The following CYLD variants were observed in gnomAD, a reference collection of about 807,000 sequenced individuals.
The protein encoded by CYLD is ubiquitin carboxyl-terminal hydrolase CYLD.
In CYLD, 26 loss-of-function variants were observed where a neutral mutation model predicts 104.5. The observed-to-expected ratio is 0.25, with a 90% CI of 0.18 to 0.35. The LOEUF (loss-of-function observed/expected upper bound fraction) is 0.35. CYLD is among the 10% of genes least tolerant of loss of function. The pLI, the probability that CYLD is intolerant of heterozygous loss-of-function variation, is 1.00. For missense variants in CYLD, 703 were observed against 1,136.1 expected, an observed-to-expected ratio of 0.62 and a Z score of 5.48; for synonymous variants, 385 against 399.9, an observed-to-expected ratio of 0.96 and a Z score of 0.45.
intron 13 of CYLD, 113 bp downstream of exon 13, chr16:50,787,059 A>AT: frequency 1.1e-6 from 1 of 874,604 alleles, no homozygotes; most frequent in South Asian, 1.4e-5. Flanking sequence ...TAAATTAGAA[A>AT]TTTCTTTTTA....
At chr16:50,784,120 G>T in intron 11 of CYLD, 1 of 514,776 alleles carries the variant, frequency 1.9e-6, no homozygotes, top group African/African-American at 1.9e-5. Flanking sequence ...TATTGGTGTT[G>T]TCCTTAACAT....
At chr16:50,780,685 T>G (rs1274121532) in intron 9 of CYLD, among the ~76,000 whole-genome samples, 2 of 152,176 alleles carry the variant, frequency 1.3e-5, no homozygotes. Context: ...TGCTTGGTAA[T>G]TTTTTGTATT....
Position 50,794,423 on chromosome 16 carries a change from G to A in CYLD, c.2681G>A (p.Arg894Gln), listed in dbSNP as rs2151039747. Residue 894 changes from arginine to glutamine, a missense_variant, in exon 18 of 19, where the codon CGG becomes CAG. This residue lies in a region of CYLD where 130 missense variants were observed against 220.2 expected (regional missense o/e 0.59). Coordinates refer to ENST00000427738, the MANE Select transcript of CYLD (RefSeq NM_001378743.1). The surrounding 1 kb of genome is among the most constrained non-coding windows in gnomAD (Gnocchi z 4.1). ...CTCTTCTTTGACAGCATGGCCGATC[G>A]GGATGGTACTGAAAACGCCTTTCTT... ...AWLFFDSMAD[R>Q]DGGQNGFNIP... is the part of the protein sequence containing the mutation. The A allele has an allele frequency of 6.2e-7, 1 of 1,614,110 alleles. No individual in the cohort carries two copies. The highest frequency in any genetic ancestry group is 8.5e-7 in the Non-Finnish European group (1 of 1,180,016).
chr16:50,742,657 C>A, intron 1 of CYLD, 105 bp from the exon 2 acceptor site: 1 of 390,030 alleles, frequency 2.6e-6, no homozygotes, highest in Non-Finnish European at 4.5e-6. Context: ...GACCGCGCCG[C>A]GGGGCGTACG....
Position 50,754,328 on chromosome 16 carries a change from A to T in CYLD, c.817A>T (p.Ile273Phe), listed in dbSNP as rs1479643041. The T allele has an allele frequency of 1.2e-6, 2 of 1,607,560 alleles. No homozygotes were observed. The highest frequency in any genetic ancestry group is 3.3e-5 in the Admixed American group (2 of 59,988). Reference sequence around the variant, plus strand: ...ATTATTTAATTTCTAGGATAACCCTATTGGCAACTGGGATGGAAGATTTGA... The same window carrying T: ...ATTATTTAATTTCTAGGATAACCCTTTTGGCAACTGGGATGGAAGATTTGA... Reference protein sequence around the residue: ...YFVGVDMDNPIGNWDGRFDGV... With the variant: ...YFVGVDMDNPFGNWDGRFDGV... Residue 273 changes from isoleucine (I) to phenylalanine (F), a missense_variant, in exon 5 of 19, where the codon ATT (isoleucine) becomes TTT (phenylalanine). Around this residue, in one of 5 missense-constraint regions of CYLD, gnomAD observed 123 missense variants for 213.3 expected, o/e 0.58. Coordinates refer to ENST00000427738, the MANE Select transcript of CYLD (RefSeq NM_001378743.1).
In CYLD at chr16:50,751,804, A is replaced by G. The variant is rs1377022519; in HGVS notation, c.705A>G (p.Arg235=). Residue 235 remains arginine (R), a synonymous_variant, in exon 4 of 19, where the codon AGA becomes AGG. Coordinates refer to ENST00000427738, the MANE Select transcript of CYLD (RefSeq NM_001378743.1). ...VELPPLEINS[R]VSLKVGETIE... ...TTCCTCCTTTGGAAATAAACTCCAG[A>G]GTTTCTTTGAAGGTTGGAGAAACAA... is the stretch of plus-strand genomic sequence containing the variant. 1 of 1,613,634 alleles carries G rather than the reference A, an allele frequency of 6.2e-7. No individual in the cohort carries two copies. The highest frequency in any genetic ancestry group is 2.2e-5 in the East Asian group (1 of 44,864).
At chr16:50,746,800 T>C (rs1051932863) in intron 2 of CYLD, among the ~76,000 whole-genome samples, 2 of 151,622 alleles carry the variant, frequency 1.3e-5, no homozygotes, top group Non-Finnish European at 2.9e-5. Context: ...TTATTTAACA[T>C]AATGTCCTAA....
intron 8 of CYLD, among the ~76,000 whole-genome samples, 183 bp from the exon 9 acceptor site, chr16:50,779,482 T>C (rs1237584209): frequency 1.3e-5 from 2 of 152,090 alleles, no homozygotes; most frequent in African/African-American, 2.4e-5. Flanking sequence ...TGCATAAATA[T>C]GGAGGTGGAG....
At chr16:50,753,777 A>C (rs1474682943) in intron 4 of CYLD, among the ~76,000 whole-genome samples, 1 of 152,226 alleles carries the variant, frequency 6.6e-6, no homozygotes, top group East Asian at 1.9e-4. Flanking sequence ...AAATATAAAC[A>C]TCTCCATCTT....
rs1259103779 is a variant in CYLD at position 50,755,212 on chromosome 16, TAC to T, written c.913+793_913+794del. Among the ~76,000 whole-genome samples the T allele has an allele frequency of 4.1e-5, 6 of 145,860 alleles. No individual in the cohort carries two copies. In the East Asian group the frequency reaches 5.9e-4, roughly 14 times the overall value. On this transcript the variant is annotated intron_variant, in intron 5 of 18. Transcript: ENST00000427738. ...ACACGTGTACATATGTGTGTGTATA[TAC>T]ACACGTGTACATATGTGTGTATATA...
chr16:50,786,761 C>G, intron 12 of CYLD, 94 bp from the exon 13 acceptor site: 1 of 764,960 alleles, frequency 1.3e-6, no homozygotes, highest in East Asian at 3.3e-5. Context: ...GACTCTATCT[C>G]AAAAAAAAAA....
rs76448482 is a variant in CYLD, at chr16:50,761,388, T to G, written c.913+6964T>G. Among the ~76,000 whole-genome samples the G allele has an allele frequency of 8.6e-3, 1,314 of 152,300 alleles. 22 individuals carry two copies. Among genetic ancestry groups the G allele is most frequent in the African/African-American group, 0.03 (1,248 of 41,560 alleles). On this transcript the variant is annotated intron_variant, in intron 5 of 18. Transcript: ENST00000427738. ...TGTGCAACCATCACCACTATCTATT[T>G]CCAGAAATCTTGTTCATTATCCCAA...
chr16:50,766,439 G>T (rs1231606465), intron 5 of CYLD, among the ~76,000 whole-genome samples: 1 of 152,196 alleles, frequency 6.6e-6, no homozygotes, highest in African/African-American at 2.4e-5. Flanking sequence ...GATGCACAAG[G>T]AGATTAATGT....
At position 50,792,674 on chromosome 16, in the gene CYLD, G is replaced by A. The variant is rs199912760; in HGVS notation, c.2319G>A (p.Leu773=). The A allele has an allele frequency of 1.2e-4, 187 of 1,555,926 alleles. 1 individual carries two copies. In the East Asian group the frequency reaches 4.0e-3, roughly 33 times the overall value. ...TATTTAAAAAAATTTTTCCTTCTCT[G>A]GAATTAAATATAACAGATTTACTTG... The part of the protein sequence containing the change: ...FKLFKKIFPS[L]ELNITDLLED... Residue 773 remains leucine, a synonymous_variant, in exon 16 of 19, where the codon CTG becomes CTA. Transcript: ENST00000427738.
intron 5 of CYLD, among the ~76,000 whole-genome samples, chr16:50,758,330 T>C (rs1204696554): frequency 6.6e-6 from 1 of 152,104 alleles, no homozygotes. Flanking sequence ...CTGCGGCAGA[T>C]GGAGTGAGGG....
rs773201071 is a variant in CYLD, at chr16:50,754,417, C to T, written c.906C>T (p.Ile302=). 1.9e-6 allele frequency: 3 copies of T among 1,600,674 alleles called. No individual in the cohort carries two copies. The highest frequency in any genetic ancestry group is 2.2e-5 in the South Asian group (2 of 90,492). The stretch of plus-strand genomic sequence containing the variant: ...CAATTCTATTGCACATCAATGATAT[C>T]ATCCCAGGTATGTTTTCTTTGTTTT... ...ESTILLHIND[I]IPALSESVTQ... is the part of the protein sequence containing the mutation. Residue 302 remains isoleucine, a synonymous_variant, in exon 5 of 19, where the codon ATC becomes ATT. Transcript: ENST00000427738.
intron 9 of CYLD, 145 bp from the exon 10 acceptor site, chr16:50,781,101 T>A: frequency 1.2e-6 from 1 of 846,382 alleles, no homozygotes; most frequent in Non-Finnish European, 2.0e-6. Context: ...ACTCAACTCC[T>A]TTTTCTTGAT....
Position 50,801,726 on chromosome 16 carries a change from C to A in CYLD, c.*5218C>A, listed in dbSNP as rs1032655867. 1 of 233,176 alleles carries A rather than the reference C, an allele frequency of 4.3e-6. No individual in the cohort carries two copies. The highest frequency in any genetic ancestry group is 2.2e-5 in the African/African-American group (1 of 45,406). The allele number at this position is 233,176 out of a possible 1,614,324, so 14.4% of individuals were successfully genotyped here. A position where few individuals can be genotyped will look rare whatever the true frequency, so the allele number is the denominator to read the frequency against. On this transcript the variant is annotated 3_prime_UTR_variant, in exon 19 of 19. Coordinates refer to ENST00000427738, the MANE Select transcript of CYLD (RefSeq NM_001378743.1). Reference sequence around the variant, plus strand: ...TTCCCATTTTTGGTATCTTGTTCAGCATGTTTTATTTTTATTTCTTGTCTG... The same window carrying A: ...TTCCCATTTTTGGTATCTTGTTCAGAATGTTTTATTTTTATTTCTTGTCTG...
In CYLD at chr16:50,787,762, TTTGA is replaced by T. The variant is rs1448543294; in HGVS notation, c.2042-21_2042-18del. Reference sequence around the variant, plus strand: ...ATTTAAAAATTTTGCCTGTGACTTATTTGATTTTTAAATTTTCTCCTAGATCCTG... The same window carrying T: ...ATTTAAAAATTTTGCCTGTGACTTATTTTTTAAATTTTCTCCTAGATCCTG... On this transcript the variant is annotated intron_variant, in intron 13 of 18. Coordinates refer to ENST00000427738, the MANE Select transcript of CYLD (RefSeq NM_001378743.1). 4 of 1,397,834 alleles carry T rather than the reference TTTGA, an allele frequency of 2.9e-6. No homozygotes were observed. Among genetic ancestry groups the T allele is most frequent in the Non-Finnish European group, 4.0e-6 (4 of 994,590 alleles). The allele number at this position is 1,397,834 out of a possible 1,614,324, so 86.6% of individuals were successfully genotyped here. A position where few individuals can be genotyped will look rare whatever the true frequency, so the allele number is the denominator to read the frequency against.
Sources: gnomAD v4.1 joint callset for allele counts (sites outside exome capture counted in the v4.1 genomes callset) on GRCh38, gnomAD v4.1.1 for gene constraint, gnomAD v4.1.1 regional missense constraint, Gnocchi (gnomAD v3.1) non-coding constraint, MANE v1.5 for transcripts, NCBI Gene and HGNC (gene_info 2026-07-23, HGNC 2026-07-21) for gene names.